Variants in ARHGAP15 observed in about 807,000 individuals in gnomAD.
The protein encoded by ARHGAP15 is Rho GTPase activating protein 15.
A neutral mutation model predicts 63.7 loss-of-function variants in ARHGAP15; 51 were observed. The observed-to-expected ratio is 0.80, with a 90% CI of 0.64 to 1.01. The LOEUF is 1.01. Among genes scored for constraint, ARHGAP15 ranks in the 50% least tolerant of loss-of-function variants. ARHGAP15 has a pLI of 0.00. For missense variants in ARHGAP15, 560 were observed against 564.6 expected, an observed-to-expected ratio of 0.99 and a Z score of 0.08; for synonymous variants, 191 against 193.8, an observed-to-expected ratio of 0.99 and a Z score of 0.12.
chr2:143,580,480 G>A lies in ARHGAP15; in HGVS notation c.1003+23995G>A, dbSNP rs965934411. Among the ~76,000 whole-genome samples the A allele has an allele frequency of 3.3e-5, 5 of 151,968 alleles. No homozygotes were observed. The East Asian group carries it at 9.6e-4, about 29-fold the overall frequency. On this transcript the variant is annotated intron_variant, in intron 11 of 13. Coordinates refer to ENST00000295095, the MANE Select transcript of ARHGAP15 (RefSeq NM_018460.4). ...TTTATTTCCACCTCGATGACTTGCC[G>A]GTGACAACAGATTCTGTATTCTGGA... is the stretch of plus-strand genomic sequence containing the variant.
intron 6 of ARHGAP15, among the ~76,000 whole-genome samples, chr2:143,252,982 T>C (rs1242918429): frequency 6.6e-6 from 1 of 152,108 alleles, no homozygotes; most frequent in Non-Finnish European, 1.5e-5. Context: ...TTTCATTACC[T>C]GCAGAATAAT....
At chr2:143,257,951 G>C (rs1680509595) in intron 6 of ARHGAP15, among the ~76,000 whole-genome samples, 1 of 151,974 alleles carries the variant, frequency 6.6e-6, no homozygotes. Context: ...TTTCATATCT[G>C]TTTCAATATC....
chr2:143,156,470 C>G (rs1368957878), intron 2 of ARHGAP15, among the ~76,000 whole-genome samples: 1 of 151,866 alleles, frequency 6.6e-6, no homozygotes, highest in African/African-American at 2.4e-5. Context: ...TGGGGACAGG[C>G]TGAGTTCCAG....
chr2:143,182,278 C>A (rs1247773467), intron 2 of ARHGAP15, among the ~76,000 whole-genome samples: 2 of 152,162 alleles, frequency 1.3e-5, no homozygotes, highest in South Asian at 2.1e-4. Context: ...TAAGCACTTA[C>A]AGGCCATTGT....
chr2:143,295,087 T>A (rs975612012), intron 6 of ARHGAP15, among the ~76,000 whole-genome samples: 32 of 152,016 alleles, frequency 2.1e-4, no homozygotes, highest in African/African-American at 7.5e-4. Flanking sequence ...GTGAATATAT[T>A]TCCCAAAGCC....
At chr2:143,734,854 G>A (rs190767625) in intron 13 of ARHGAP15, among the ~76,000 whole-genome samples, 7 of 152,290 alleles carry the variant, frequency 4.6e-5, no homozygotes, top group Admixed American at 3.9e-4. Context: ...ACTCCTTGAA[G>A]AAGTCTTGAA....
At chr2:143,534,035 T>G (rs11692841) in intron 10 of ARHGAP15, among the ~76,000 whole-genome samples, 1 of 152,028 alleles carries the variant, frequency 6.6e-6, no homozygotes, top group Non-Finnish European at 1.5e-5. Context: ...CTGATGGAGT[T>G]AGGCTTTGTA....
chr2:143,261,108 T>C (rs1292917331), intron 6 of ARHGAP15, among the ~76,000 whole-genome samples: 1 of 152,154 alleles, frequency 6.6e-6, no homozygotes, highest in African/African-American at 2.4e-5. Context: ...TGCTAATGTT[T>C]GTTTCAATAA....
chr2:143,374,284 AT>A (rs1346838720), intron 6 of ARHGAP15, among the ~76,000 whole-genome samples: 3 of 152,076 alleles, frequency 2.0e-5, no homozygotes, highest in Non-Finnish European at 4.4e-5. Flanking sequence ...TGTCACTGGA[AT>A]GTACCACTTT....
chr2:143,734,850 T>C (rs1471896437), intron 13 of ARHGAP15, among the ~76,000 whole-genome samples: 2 of 152,204 alleles, frequency 1.3e-5, no homozygotes, highest in Non-Finnish European at 2.9e-5. Context: ...AAATACTCCT[T>C]GAAGAAGTCT....
chr2:143,693,718 C>T (rs752792067), intron 12 of ARHGAP15, among the ~76,000 whole-genome samples: 2 of 152,150 alleles, frequency 1.3e-5, no homozygotes, highest in Non-Finnish European at 1.5e-5. Flanking sequence ...GTCATTAGGA[C>T]GTTGATAGTT....
At chr2:143,435,484 GA>G in intron 6 of ARHGAP15, 116 bp from the exon 7 acceptor site, 1 of 1,337,636 alleles carries the variant, frequency 7.5e-7, no homozygotes, top group East Asian at 2.9e-5. Flanking sequence ...TGGAATACAA[GA>G]AAATATTTCA....
chr2:143,761,656 G>A (rs749305741), intron 13 of ARHGAP15, among the ~76,000 whole-genome samples: 40 of 152,258 alleles, frequency 2.6e-4, no homozygotes, highest in Admixed American at 9.2e-4. Context: ...ATGTGACTAA[G>A]AAATTTCTTT....
At chr2:143,561,913 G>C (rs1362380380) in intron 11 of ARHGAP15, among the ~76,000 whole-genome samples, 2 of 152,090 alleles carry the variant, frequency 1.3e-5, no homozygotes, top group Non-Finnish European at 2.9e-5. Flanking sequence ...AAATCTACAT[G>C]ATCAAGAATC....
At chr2:143,266,239 A>G (rs914854786) in intron 6 of ARHGAP15, among the ~76,000 whole-genome samples, 1 of 127,688 alleles carries the variant, frequency 7.8e-6, no homozygotes, top group Non-Finnish European at 1.9e-5. Context: ...CTCACTTCAT[A>G]TAAAATGCCC....
At chr2:143,751,766 C>T (rs2105527657) in intron 13 of ARHGAP15, among the ~76,000 whole-genome samples, 1 of 152,308 alleles carries the variant, frequency 6.6e-6, no homozygotes, top group African/African-American at 2.4e-5. Flanking sequence ...GTTAATGCCC[C>T]ATCACAACTG....
chr2:143,311,911 G>T (rs935415909), intron 6 of ARHGAP15, among the ~76,000 whole-genome samples: 1 of 152,110 alleles, frequency 6.6e-6, no homozygotes, highest in African/African-American at 2.4e-5. Context: ...TTATGTGTTG[G>T]AATGGCAATG....
chr2:143,693,067 A>C (rs1683683448), intron 12 of ARHGAP15, among the ~76,000 whole-genome samples: 1 of 152,138 alleles, frequency 6.6e-6, no homozygotes, highest in African/African-American at 2.4e-5. Context: ...TTCTTGCTAA[A>C]TCCAGACTCG....
intron 13 of ARHGAP15, among the ~76,000 whole-genome samples, chr2:143,749,566 T>C (rs2105523393): frequency 6.6e-6 from 1 of 152,300 alleles, no homozygotes; most frequent in South Asian, 2.1e-4. Flanking sequence ...TGGTGTCACA[T>C]TGTTTAATTT....
Sources: allele counts gnomAD v4.1 joint callset (sites outside exome capture counted in the v4.1 genomes callset), GRCh38; gene constraint gnomAD v4.1.1; transcripts MANE v1.5; gene names NCBI Gene and HGNC (gene_info 2026-07-23, HGNC 2026-07-21).